Variants in STIM1 observed in about 807,000 individuals in gnomAD.
The protein encoded by STIM1 is stromal interaction molecule 1.
STIM1 carries 25 observed loss-of-function variants against 74.7 expected under a neutral mutation model. That is an observed-to-expected ratio of 0.33 (90% CI 0.24 to 0.47). The LOEUF (loss-of-function observed/expected upper bound fraction) is 0.47. Among genes scored for constraint, STIM1 ranks in the 20% least tolerant of loss-of-function variants. STIM1 has a pLI of 1.00. For synonymous variants in STIM1, 328 were observed against 348.8 expected, an observed-to-expected ratio of 0.94 and a Z score of 0.66; for missense variants, 728 against 920.8, an observed-to-expected ratio of 0.79 and a Z score of 2.71.
rs554777497 is a variant in STIM1 at position 3,974,513 on chromosome 11, C to CAA, written c.270+6847_270+6848dup. On this transcript the variant is annotated intron_variant, in intron 2 of 12. Coordinates refer to ENST00000526596, the MANE Select transcript of STIM1 (RefSeq NM_001382567.1). The stretch of plus-strand genomic sequence containing the variant: ...CAACATAGGGAGACTCTATCTCTAC[C>CAA]AAAAAAAAAAAAAAAAAGCCAGATA... Among the ~76,000 whole-genome samples, 453 of 70,250 alleles carry CAA rather than the reference C, an allele frequency of 6.4e-3. 1 individual carries two copies. The highest frequency in any genetic ancestry group is 0.01 in the Non-Finnish European group (361 of 34,678). The allele number at this position is 70,250 out of a possible 152,430, so 46.1% of individuals were successfully genotyped here.
At chr11:4,087,321 G>T in intron 12 of STIM1, among the ~76,000 whole-genome samples, 1 of 152,126 alleles carries the variant, frequency 6.6e-6, no homozygotes, top group Admixed American at 6.5e-5. Context: ...TAAGTGCTAT[G>T]GGGGTGTTGA....
intron 1 of STIM1, among the ~76,000 whole-genome samples, chr11:3,934,883 G>A (rs2092914336): frequency 6.6e-6 from 1 of 152,210 alleles, no homozygotes; most frequent in African/African-American, 2.4e-5. Flanking sequence ...CTTGACCCAA[G>A]GAATGAGTAG....
chr11:3,906,774 G>T (rs1221009497), intron 1 of STIM1, among the ~76,000 whole-genome samples: 1 of 152,184 alleles, frequency 6.6e-6, no homozygotes, highest in African/African-American at 2.4e-5. Context: ...TGCTAGGCAT[G>T]TAATGGATGC....
chr11:3,911,257 C>G (rs2092558062), intron 1 of STIM1, among the ~76,000 whole-genome samples: 1 of 152,168 alleles, frequency 6.6e-6, no homozygotes, highest in African/African-American at 2.4e-5. Context: ...TATTGCTTTC[C>G]TATTTCTCAG....
intron 1 of STIM1, among the ~76,000 whole-genome samples, chr11:3,911,061 G>A (rs2092554919): frequency 6.6e-6 from 1 of 152,092 alleles, no homozygotes; most frequent in African/African-American, 2.4e-5. Context: ...GTGGGATTTG[G>A]CCTGGATTTG....
chr11:3,978,732 C>T (rs2093473917), intron 2 of STIM1, among the ~76,000 whole-genome samples: 1 of 152,022 alleles, frequency 6.6e-6, no homozygotes, highest in African/African-American at 2.4e-5. Context: ...CACTGTACTC[C>T]AGCCTGAGTG....
chr11:3,898,095 T>G (rs2092241393), intron 1 of STIM1, among the ~76,000 whole-genome samples: 1 of 152,184 alleles, frequency 6.6e-6, no homozygotes, highest in Non-Finnish European at 1.5e-5. Context: ...CCACACTGAC[T>G]TCCACAATGG....
At chr11:4,081,973 G>T (rs1003208386) in intron 7 of STIM1, among the ~76,000 whole-genome samples, 9 of 152,162 alleles carry the variant, frequency 5.9e-5, no homozygotes, top group African/African-American at 1.9e-4. Context: ...ATCTCAATTT[G>T]GGTTCTGGTT....
chr11:3,858,929 A>C (rs145819726), intron 1 of STIM1, among the ~76,000 whole-genome samples: 4 of 152,164 alleles, frequency 2.6e-5, no homozygotes, highest in African/African-American at 9.7e-5. Context: ...CTGATGCTTA[A>C]GTCTTGGATT....
chr11:3,904,608 C>A (rs1040168037), intron 1 of STIM1, among the ~76,000 whole-genome samples: 1 of 152,000 alleles, frequency 6.6e-6, no homozygotes, highest in Admixed American at 6.6e-5. Flanking sequence ...TAGATTATAA[C>A]TAGAGGCAGG....
At chr11:3,978,922 GC>G (rs998626787) in intron 2 of STIM1, among the ~76,000 whole-genome samples, 24 of 152,182 alleles carry the variant, frequency 1.6e-4, no homozygotes, top group African/African-American at 4.8e-4. Flanking sequence ...CCACCATTTG[GC>G]TTTAGCTCAT....
chr11:3,931,114 C>A (rs1282243789), intron 1 of STIM1, among the ~76,000 whole-genome samples: 1 of 152,078 alleles, frequency 6.6e-6, no homozygotes, highest in Non-Finnish European at 1.5e-5. Context: ...GTGCATATAT[C>A]AGAGGAACTT....
chr11:3,856,435 G>A (rs1235079477), intron 1 of STIM1, 26 bp downstream of exon 1: 1 of 1,610,232 alleles, frequency 6.2e-7, no homozygotes, highest in South Asian at 1.1e-5. Context: ...GGGCTGGACT[G>A]GGCTGGAGGC....
rs775153419 is a variant in STIM1 at position 3,967,865 on chromosome 11, T to TGTA, written c.270+185_270+187dup. On this transcript the variant is annotated intron_variant, in intron 2 of 12. Coordinates refer to ENST00000526596, the MANE Select transcript of STIM1 (RefSeq NM_001382567.1). ...CCCTCTAGGAGTCAGCCTGTCAGAG[T>TGTA]GTAGGCTTTATGCTTGTGTCTGTGC... 1.4e-3 allele frequency among the ~76,000 whole-genome samples: 207 copies of TGTA among 152,210 alleles called. 1 individual carries two copies. The highest frequency in any genetic ancestry group is 7.9e-4 in the Non-Finnish European group (54 of 68,002).
chr11:3,930,421 A>T (rs1490132052), intron 1 of STIM1, among the ~76,000 whole-genome samples: 1 of 152,202 alleles, frequency 6.6e-6, no homozygotes, highest in Non-Finnish European at 1.5e-5. Context: ...GGCTAGGATA[A>T]TTTAACCATG....
chr11:3,882,957 T>C (rs1348127182), intron 1 of STIM1, among the ~76,000 whole-genome samples: 1 of 152,222 alleles, frequency 6.6e-6, no homozygotes, highest in Admixed American at 6.5e-5. Flanking sequence ...TGTTGGTTAG[T>C]TGTATATCTT....
intron 3 of STIM1, among the ~76,000 whole-genome samples, chr11:4,045,774 T>C (rs1309721407): frequency 6.7e-6 from 1 of 148,482 alleles, no homozygotes; most frequent in Non-Finnish European, 1.5e-5. Flanking sequence ...TTTTTTTTTT[T>C]TTTTTTTTTG....
At chr11:3,889,612 T>C (rs1356277020) in intron 1 of STIM1, among the ~76,000 whole-genome samples, 4 of 152,180 alleles carry the variant, frequency 2.6e-5, no homozygotes, top group African/African-American at 9.7e-5. Context: ...TCTGAGATTG[T>C]TAATGTTATT....
At chr11:4,091,219 C>T (rs1188415012) in intron 12 of STIM1, 63 bp from the exon 13 acceptor site, 19 of 1,609,646 alleles carry the variant, frequency 1.2e-5, no homozygotes, top group Non-Finnish European at 1.5e-5. Flanking sequence ...CTCCTCTTCG[C>T]CTTTCCCCTA....
Sources: gnomAD v4.1 joint callset for allele counts (sites outside exome capture counted in the v4.1 genomes callset) on GRCh38, gnomAD v4.1.1 for gene constraint, MANE v1.5 for transcripts, NCBI Gene and HGNC (gene_info 2026-07-23, HGNC 2026-07-21) for gene names.